The following ZDBF2 variants were observed in gnomAD, a reference collection of about 807,000 sequenced individuals.
The protein encoded by ZDBF2 is zinc finger DBF-type containing 2.
A neutral mutation model predicts 9.4 loss-of-function variants in ZDBF2; 6 were observed. The ratio of observed to expected loss-of-function variants is 0.64; its 90% CI spans 0.35 to 1.27. The LOEUF (loss-of-function observed/expected upper bound fraction) is 1.27. Among genes scored for constraint, ZDBF2 ranks in the 50% most tolerant of loss-of-function variants. The pLI, the probability that ZDBF2 is intolerant of heterozygous loss-of-function variation, is 0.03. For missense variants in ZDBF2, 2,697 were observed against 2,766.8 expected (o/e 0.97, Z 0.57); for synonymous variants, 905 against 946.3 (o/e 0.96, Z 0.80).
Position 206,308,001 on chromosome 2 carries a change from C to G in ZDBF2, c.3473C>G (p.Ser1158Ter). Residue 1158 changes from serine to a stop codon, truncating the protein, a stop_gained, in exon 5 of 5, where the codon TCA becomes TGA. Transcript: ENST00000374423. LOFTEE classifies it low-confidence loss of function (END_TRUNC). The part of the protein sequence containing the change: ...LEVKNSQYSC[S>*]EMNLDSGFLG... The stretch of plus-strand genomic sequence containing the variant: ...GTTAAGAACAGCCAATATAGTTGTT[C>G]AGAAATGAATTTGGATTCTGGTTTC... 6.2e-7 allele frequency: 1 copy of G among 1,613,810 alleles called. No individual in the cohort carries two copies. The highest frequency in any genetic ancestry group is 8.5e-7 in the Non-Finnish European group (1 of 1,179,828).
chr2:206,309,541 C>T lies in ZDBF2; in HGVS notation c.5013C>T (p.Asp1671=), dbSNP rs200393120. 6.2e-7 allele frequency: 1 copy of T among 1,613,952 alleles called. No homozygotes were observed. Among genetic ancestry groups the T allele is most frequent in the Admixed American group, 1.7e-5 (1 of 60,024 alleles). ...NGSKGKFNLE[D]TSHRTTHRLQ... is the part of the protein sequence containing the mutation. ...CTAAAGGAAAATTTAATTTGGAAGA[C>T]ACTTCTCATCGAACGACTCACCGAC... The change falls in exon 5 of 5, where the codon GAC becomes GAT. Residue 1671 remains aspartate, a synonymous_variant. Coordinates refer to ENST00000374423, the MANE Select transcript of ZDBF2 (RefSeq NM_020923.3).
In ZDBF2 at chr2:206,304,709, C is replaced by T. The variant is rs974957642; in HGVS notation, c.189-8C>T. On this transcript the variant is annotated splice_polypyrimidine_tract_variant and splice_region_variant and intron_variant, in intron 4 of 4. Coordinates refer to ENST00000374423, the MANE Select transcript of ZDBF2 (RefSeq NM_020923.3). ...ATATGTTTATGAGTTTCCCCCCTTT[C>T]GTTTTAGTTCAACACAAGATGAGAC... 6.9e-6 allele frequency: 11 copies of T among 1,587,174 alleles called. No individual in the cohort carries two copies. Among genetic ancestry groups the T allele is most frequent in the Non-Finnish European group, 8.5e-6 (10 of 1,169,892 alleles).
intron 3 of ZDBF2, among the ~76,000 whole-genome samples, chr2:206,289,363 G>A (rs554310646): frequency 6.6e-6 from 1 of 152,118 alleles, no homozygotes; most frequent in Non-Finnish European, 1.5e-5. Flanking sequence ...CTTCAACCTA[G>A]GCACTGGGGA....
chr2:206,307,703 G>T lies in ZDBF2; in HGVS notation c.3175G>T (p.Ala1059Ser). The part of the protein sequence containing the change: ...PQSMTDQPQL[A>S]FLKEKHVNLK... ...GTCAATGACTGACCAACCTCAACTA[G>T]CTTTTTTGAAGGAAAAACATGTTAA... Residue 1059 changes from alanine to serine, a missense_variant, in exon 5 of 5, where the codon GCT becomes TCT. Coordinates refer to ENST00000374423, the MANE Select transcript of ZDBF2 (RefSeq NM_020923.3). The T allele has an allele frequency of 1.9e-6, 3 of 1,613,376 alleles. No individual in the cohort carries two copies. Among genetic ancestry groups the T allele is most frequent in the Non-Finnish European group, 2.5e-6 (3 of 1,179,692 alleles).
rs1693275881 is a variant in ZDBF2, at chr2:206,313,286, C to A, written c.*1693C>A. The A allele has an allele frequency of 1.3e-5, 2 of 152,112 alleles. No homozygotes were observed. The highest frequency in any genetic ancestry group is 2.4e-5 in the African/African-American group (1 of 41,432). 9.4% of individuals were successfully genotyped at this position (152,112 alleles called of 1,614,324 possible). A position where few individuals can be genotyped will look rare whatever the true frequency, so the allele number is the denominator to read the frequency against. ...CTATGATGGAGTTCTTTTGTGATTTCTTTACTTCTAAATTTAAATAGTAAT... is the reference window on the plus strand; with the variant it reads ...CTATGATGGAGTTCTTTTGTGATTTATTTACTTCTAAATTTAAATAGTAAT... On this transcript the variant is annotated 3_prime_UTR_variant, in exon 5 of 5. Transcript: ENST00000374423.
At chr2:206,278,430 T>G (rs1016337138) in intron 1 of ZDBF2, among the ~76,000 whole-genome samples, 3 of 152,112 alleles carry the variant, frequency 2.0e-5, no homozygotes, top group South Asian at 2.1e-4. Context: ...TAGGAGAGAA[T>G]CATTTTTCCA....
At chr2:206,295,524 G>A (rs1156345863) in intron 3 of ZDBF2, among the ~76,000 whole-genome samples, 1 of 151,712 alleles carries the variant, frequency 6.6e-6, no homozygotes, top group Non-Finnish European at 1.5e-5. Context: ...GCACCACCAT[G>A]CCTGGGTAAT....
In ZDBF2 at chr2:206,299,753, C is replaced by T. The variant is rs146001429; in HGVS notation, c.188+2380C>T. 8.9e-3 allele frequency among the ~76,000 whole-genome samples: 1,357 copies of T among 151,958 alleles called. 4 individuals carry two copies. The highest frequency in any genetic ancestry group is 0.014 in the Non-Finnish European group (943 of 67,936). On this transcript the variant is annotated intron_variant, in intron 4 of 4. Coordinates refer to ENST00000374423, the MANE Select transcript of ZDBF2 (RefSeq NM_020923.3). The stretch of plus-strand genomic sequence containing the variant: ...AGTGTACTTTGACCTCCCCCCCGCC[C>T]GTGAATAGATGCATCCGGCCTGGGC...
chr2:206,307,757 G>T lies in ZDBF2; in HGVS notation c.3229G>T (p.Asp1077Tyr), dbSNP rs1692893552. The T allele has an allele frequency of 6.2e-7, 1 of 1,612,268 alleles. No homozygotes were observed. Among genetic ancestry groups the T allele is most frequent in the Non-Finnish European group, 8.5e-7 (1 of 1,179,494 alleles). Residue 1077 changes from aspartate to tyrosine, a missense_variant, in exon 5 of 5, where the codon GAT becomes TAT. Coordinates refer to ENST00000374423, the MANE Select transcript of ZDBF2 (RefSeq NM_020923.3). ...NLKDKNSKSG[D>Y]SKITFDSEQL... ...GAAGGACAAAAACAGTAAATCAGGT[G>T]ATTCTAAAATAACTTTTGATTCTGA... is the stretch of plus-strand genomic sequence containing the variant.
chr2:206,298,734 C>T (rs574614189), intron 4 of ZDBF2, among the ~76,000 whole-genome samples: 11 of 152,076 alleles, frequency 7.2e-5, no homozygotes, highest in Non-Finnish European at 1.0e-4. Context: ...CCATGTTGGC[C>T]AGGCTGGTCT....
chr2:206,274,905 C>G lies in ZDBF2; in HGVS notation c.-144C>G, dbSNP rs1044629218. The stretch of plus-strand genomic sequence containing the variant: ...GAGAGCGCCCGGCTCGGTCCTCGGT[C>G]TCCACCGCGGCCCGGAAGGAATCCG... On this transcript the variant is annotated 5_prime_UTR_variant, in exon 1 of 5. Transcript: ENST00000374423. The G allele has an allele frequency of 4.0e-5, 6 of 151,686 alleles. No individual in the cohort carries two copies. Among genetic ancestry groups the G allele is most frequent in the African/African-American group, 1.4e-4 (6 of 41,382 alleles). 9.4% of individuals were successfully genotyped at this position (151,686 alleles called of 1,614,324 possible).
At chr2:206,297,512 A>G (rs1237432929) in intron 4 of ZDBF2, 139 bp downstream of exon 4, 2 of 839,526 alleles carry the variant, frequency 2.4e-6, no homozygotes, top group South Asian at 2.2e-5. Context: ...TTCATTTGCA[A>G]TTTAAAATTT....
chr2:206,309,342 AC>A lies in ZDBF2; in HGVS notation c.4816del (p.Arg1606GlyfsTer20). The A allele has an allele frequency of 1.2e-6, 2 of 1,612,958 alleles. No homozygotes were observed. The highest frequency in any genetic ancestry group is 1.7e-6 in the Non-Finnish European group (2 of 1,179,536). ...NQCKETFKII[N>X]RKKDYIILGE... ...TGCAAAGAGACTTTCAAAATAATAA[AC>A]CGGAAGAAGGACTATATTATTCTGG... On this transcript the variant is annotated frameshift_variant, in exon 5 of 5. Transcript: ENST00000374423. LOFTEE classifies it low-confidence loss of function (END_TRUNC).
rs1434719612 is a variant in ZDBF2, at chr2:206,285,837, TA to T, written c.60+3929del. Among the ~76,000 whole-genome samples, 3 of 152,204 alleles carry T rather than the reference TA, an allele frequency of 2.0e-5. 1 individual carries two copies. Among genetic ancestry groups the T allele is most frequent in the Admixed American group, 2.0e-4 (3 of 15,284 alleles). ...GTTGATTTTTGTGTATGGTGAGAGA[TA>T]GGGGTCTAGTTTCACTTTTCTGCAT... On this transcript the variant is annotated intron_variant, in intron 3 of 4. Coordinates refer to ENST00000374423, the MANE Select transcript of ZDBF2 (RefSeq NM_020923.3).
At chr2:206,284,512 A>G (rs1405070398) in intron 3 of ZDBF2, among the ~76,000 whole-genome samples, 4 of 152,154 alleles carry the variant, frequency 2.6e-5, no homozygotes, top group Middle Eastern at 6.3e-3. Context: ...GTCATCCTAC[A>G]GTGTTGTATA....
rs367768484 is a variant in ZDBF2, at chr2:206,313,595, G to T, written c.*2002G>T. 6.6e-6 allele frequency: 1 copy of T among 152,112 alleles called. No individual in the cohort carries two copies. 9.4% of individuals were successfully genotyped at this position (152,112 alleles called of 1,614,324 possible). On this transcript the variant is annotated 3_prime_UTR_variant, in exon 5 of 5. Coordinates refer to ENST00000374423, the MANE Select transcript of ZDBF2 (RefSeq NM_020923.3). ...AAATATTATTAATAGACATTCTACA[G>T]TCTTTCAGTGTAAGTTTAAAAGCAA...
At chr2:206,284,194 A>G (rs1010945942) in intron 3 of ZDBF2, among the ~76,000 whole-genome samples, 1 of 151,974 alleles carries the variant, frequency 6.6e-6, no homozygotes, top group African/African-American at 2.4e-5. Flanking sequence ...TGAGTCTGTA[A>G]AATTAAATCT....
Position 206,309,277 on chromosome 2 carries a change from ATGTAAT to A in ZDBF2, c.4755_4760del (p.Asn1585_Cys1586del), listed in dbSNP as rs1366725789. On this transcript the variant is annotated inframe_deletion, in exon 5 of 5. Coordinates refer to ENST00000374423, the MANE Select transcript of ZDBF2 (RefSeq NM_020923.3). The stretch of plus-strand genomic sequence containing the variant: ...GTGACTTTTTTGGTTCTGAAGTCAG[ATGTAAT>A]TGTAAAGCCTCTACTCCCTCAATGA... 3.3e-5 allele frequency: 53 copies of A among 1,611,626 alleles called. 1 individual carries two copies. The highest frequency in any genetic ancestry group is 4.0e-5 in the Non-Finnish European group (47 of 1,178,914).
chr2:206,305,485 A>C lies in ZDBF2; in HGVS notation c.957A>C (p.Lys319Asn). Reference sequence around the variant, plus strand: ...ATAAAACTGACATGCCTTCTAATAAAGGAATCTTTGAAGATACTATTGCAA... The same window carrying C: ...ATAAAACTGACATGCCTTCTAATAACGGAATCTTTGAAGATACTATTGCAA... Reference protein sequence around the residue: ...NPNKTDMPSNKGIFEDTIAKN... With the variant: ...NPNKTDMPSNNGIFEDTIAKN... Residue 319 changes from lysine to asparagine, a missense_variant, in exon 5 of 5, where the codon AAA (lysine) becomes AAC (asparagine). This residue lies in a region of ZDBF2 where 910 missense variants were observed against 973.6 expected (regional missense o/e 0.93). Transcript: ENST00000374423. The C allele has an allele frequency of 3.1e-6, 5 of 1,612,878 alleles. No individual in the cohort carries two copies. The highest frequency in any genetic ancestry group is 4.2e-6 in the Non-Finnish European group (5 of 1,179,620).
Sources: gnomAD v4.1 joint callset for allele counts (sites outside exome capture counted in the v4.1 genomes callset) on GRCh38, gnomAD v4.1.1 for gene constraint, gnomAD v4.1.1 regional missense constraint, MANE v1.5 for transcripts, NCBI Gene and HGNC (gene_info 2026-07-23, HGNC 2026-07-21) for gene names.